HMCN2: variants seen among roughly 807,000 people sequenced by gnomAD.
The protein encoded by HMCN2 is hemicentin-2.
HMCN2 carries 325 observed loss-of-function variants against 377.5 expected under a neutral mutation model. The observed-to-expected ratio is 0.86, with a 90% CI of 0.79 to 0.94. The LOEUF is 0.94. HMCN2 is among the 40% of genes least tolerant of loss of function. The pLI, the probability that HMCN2 is intolerant of heterozygous loss-of-function variation, is 0.00. For missense variants in HMCN2, 4,543 were observed against 4,725.3 expected (o/e 0.96, Z 1.13); for synonymous variants, 2,007 against 2,046.8 (o/e 0.98, Z 0.53).
At chr9:130,292,968 ATC>A (rs1554930521) in intron 4 of HMCN2, among the ~76,000 whole-genome samples, 3 of 127,036 alleles carry the variant, frequency 2.4e-5, no homozygotes, top group African/African-American at 7.7e-5. Context: ...CTATCTATCT[ATC>A]TATCTATCTA....
At position 130,382,870 on chromosome 9, in the gene HMCN2, A is replaced by G. The variant is rs896808168; in HGVS notation, c.8733+4A>G. 8.5e-5 allele frequency: 84 copies of G among 985,664 alleles called. No homozygotes were observed. Among genetic ancestry groups the G allele is most frequent in the Non-Finnish European group, 1.0e-4 (83 of 829,860 alleles). 61.1% of individuals were successfully genotyped at this position (985,664 alleles called of 1,614,324 possible). On this transcript the variant is annotated splice_donor_region_variant and intron_variant, in intron 56 of 97. Transcript: ENST00000683500. Reference sequence around the variant, plus strand: ...GGAGGACGGGCAAGTCTTGCAGGTCAGGGCAGCCCCCTGCACGGGCTAGGG... The same window carrying G: ...GGAGGACGGGCAAGTCTTGCAGGTCGGGGCAGCCCCCTGCACGGGCTAGGG...
In HMCN2 at chr9:130,425,669, CT is replaced by C; in HGVS notation, c.13642-17del. ...CTCCCCCACCCCTCCTCCTCCTCCC[CT>C]CCTCTTCATCCTGCAGGACTTTGAG... On this transcript the variant is annotated splice_polypyrimidine_tract_variant and intron_variant, in intron 89 of 97. Coordinates refer to ENST00000683500, the MANE Select transcript of HMCN2 (RefSeq NM_001291815.2). 6.6e-7 allele frequency: 1 copy of C among 1,515,006 alleles called. No individual in the cohort carries two copies. The highest frequency in any genetic ancestry group is 1.2e-5 in the South Asian group (1 of 83,322). The allele number at this position is 1,515,006 out of a possible 1,614,324, so 93.8% of individuals were successfully genotyped here. A position where few individuals can be genotyped will look rare whatever the true frequency, so the allele number is the denominator to read the frequency against.
chr9:130,318,954 T>C (rs1372135092), intron 15 of HMCN2, among the ~76,000 whole-genome samples: 1 of 152,200 alleles, frequency 6.6e-6, no homozygotes, highest in African/African-American at 2.4e-5. Context: ...AAATGGCAGC[T>C]GAGTCCCGCC....
At chr9:130,348,437 C>T (rs1839507745) in intron 26 of HMCN2, 108 bp from the exon 27 acceptor site, 3 of 1,229,482 alleles carry the variant, frequency 2.4e-6, no homozygotes, top group South Asian at 2.8e-5. Flanking sequence ...ACAGGCAGAC[C>T]TTCTCCAACC....
At chr9:130,331,264 T>C (rs1343856033) in intron 22 of HMCN2, among the ~76,000 whole-genome samples, 1 of 152,042 alleles carries the variant, frequency 6.6e-6, no homozygotes, top group Non-Finnish European at 1.5e-5. Flanking sequence ...CTCGCGGTCA[T>C]AAATGGGACT....
At chr9:130,384,063 C>T (rs1841882981) in intron 57 of HMCN2, among the ~76,000 whole-genome samples, 1 of 152,188 alleles carries the variant, frequency 6.6e-6, no homozygotes, top group Non-Finnish European at 1.5e-5. Context: ...GTTCTGTCTC[C>T]AGATGGTCTT....
rs1273540884 is a variant in HMCN2 at position 130,278,001 on chromosome 9, C to T, written c.260-6602C>T. ...TCACCACCACCACGATCATCACCAC[C>T]ACCACCATCATCATCACCACCACCA... On this transcript the variant is annotated intron_variant, in intron 1 of 97. Transcript: ENST00000683500. Among the ~76,000 whole-genome samples, 7 of 47,108 alleles carry T rather than the reference C, an allele frequency of 1.5e-4. 1 individual carries two copies. Among genetic ancestry groups the T allele is most frequent in the Admixed American group, 2.1e-4 (1 of 4,748 alleles). The allele number at this position is 47,108 out of a possible 152,430, so 30.9% of individuals were successfully genotyped here.
At position 130,348,092 on chromosome 9, in the gene HMCN2, G is replaced by A. The variant is rs548541742; in HGVS notation, c.4025-453G>A. 7 of 973,356 alleles carry A rather than the reference G, an allele frequency of 7.2e-6. No individual in the cohort carries two copies. The East Asian group carries it at 8.0e-4, about 111-fold the overall frequency. The allele number at this position is 973,356 out of a possible 1,614,324, so 60.3% of individuals were successfully genotyped here. A position where few individuals can be genotyped will look rare whatever the true frequency, so the allele number is the denominator to read the frequency against. On this transcript the variant is annotated intron_variant, in intron 26 of 97. Transcript: ENST00000683500. Reference sequence around the variant, plus strand: ...TCGGCAGGATGAACTGGCCCCGCTTGGGCAGTTCTACCAGCTCCTAACGCC... The same window carrying A: ...TCGGCAGGATGAACTGGCCCCGCTTAGGCAGTTCTACCAGCTCCTAACGCC...
intron 19 of HMCN2, among the ~76,000 whole-genome samples, chr9:130,323,585 G>A (rs1329013756): frequency 6.6e-6 from 1 of 152,220 alleles, no homozygotes. Flanking sequence ...CAGCGCAGCT[G>A]GTTCCCAAGC....
Position 130,384,891 on chromosome 9 carries a change from C to T in HMCN2, c.9106+93C>T, listed in dbSNP as rs1304283126. 9.6e-6 allele frequency: 8 copies of T among 834,294 alleles called. No homozygotes were observed. In the African/African-American group the frequency reaches 1.2e-4, roughly 13 times the overall value. The allele number at this position is 834,294 out of a possible 1,614,324, so 51.7% of individuals were successfully genotyped here. On this transcript the variant is annotated intron_variant, in intron 59 of 97. Coordinates refer to ENST00000683500, the MANE Select transcript of HMCN2 (RefSeq NM_001291815.2). ...CCCAGAGAACATAGACAGGAGAGGG[C>T]CAGGAGGCACAGGGGGAGGCTGGGA...
At chr9:130,366,399 G>A (rs375017235) in intron 43 of HMCN2, among the ~76,000 whole-genome samples, 4 of 150,834 alleles carry the variant, frequency 2.7e-5, no homozygotes, top group African/African-American at 9.8e-5. Flanking sequence ...GTTGACCACC[G>A]CTGAATTCCA....
At chr9:130,284,263 A>T (rs1835296348) in intron 1 of HMCN2, among the ~76,000 whole-genome samples, 1 of 152,142 alleles carries the variant, frequency 6.6e-6, no homozygotes, top group Non-Finnish European at 1.5e-5. Flanking sequence ...ACTGACTGGC[A>T]GCCGGTGGGA....
chr9:130,372,118 T>C (rs906154262), intron 46 of HMCN2, among the ~76,000 whole-genome samples, 176 bp from the exon 47 acceptor site: 10 of 152,324 alleles, frequency 6.6e-5, no homozygotes, highest in African/African-American at 2.2e-4. Context: ...GGCAGTTCCA[T>C]CCATTTGTTT....
At position 130,406,010 on chromosome 9, in the gene HMCN2, G is replaced by A. The variant is rs752005562; in HGVS notation, c.12395G>A (p.Arg4132His). ...CTAENAVGRARRRVHLTILVL... is the reference protein window; with the variant it reads ...CTAENAVGRAHRRVHLTILVL... ...GCTGAGAACGCCGTGGGCCGGGCCC[G>A]CCGCCGCGTGCACCTCACCATCCTG... The change falls in exon 82 of 98, where the codon CGC becomes CAC. Residue 4132 changes from arginine (R) to histidine (H), a missense_variant. By Grantham distance (29) the Arg-to-His change is conservative. Coordinates refer to ENST00000683500, the MANE Select transcript of HMCN2 (RefSeq NM_001291815.2). 234 of 1,289,614 alleles carry A rather than the reference G, an allele frequency of 1.8e-4. No individual in the cohort carries two copies. The highest frequency in any genetic ancestry group is 2.2e-4 in the Non-Finnish European group (221 of 988,832). 79.9% of individuals were successfully genotyped at this position (1,289,614 alleles called of 1,614,324 possible). A position where few individuals can be genotyped will look rare whatever the true frequency, so the allele number is the denominator to read the frequency against.
chr9:130,407,398 C>G (rs550539004), intron 82 of HMCN2, 173 bp from the exon 83 acceptor site: 1 of 419,548 alleles, frequency 2.4e-6, no homozygotes, highest in African/African-American at 2.1e-5. Flanking sequence ...GGTTCATTAA[C>G]CGCAGCCTCC....
In HMCN2 at chr9:130,285,200, G is replaced by C. The variant is rs368629790; in HGVS notation, c.373G>C (p.Ala125Pro). 2 of 471,174 alleles carry C rather than the reference G, an allele frequency of 4.2e-6. No homozygotes were observed. Among genetic ancestry groups the C allele is most frequent in the South Asian group, 3.1e-5 (2 of 64,570 alleles). 29.2% of individuals were successfully genotyped at this position (471,174 alleles called of 1,614,324 possible). Residue 125 changes from alanine (A) to proline (P), a missense_variant, in exon 3 of 98, where the codon GCT (alanine) becomes CCT (proline). Physicochemically the swap from Ala to Pro is conservative, Grantham distance 27. Transcript: ENST00000683500. Reference sequence around the variant, plus strand: ...GGAGATGAGTGTGGGGGCCATTAAGGCTGCCGTGGAGGTTGCCAACCCCGG... The same window carrying C: ...GGAGATGAGTGTGGGGGCCATTAAGCCTGCCGTGGAGGTTGCCAACCCCGG... ...CPEMSVGAIK[A>P]AVEVANPGSF...
chr9:130,352,724 C>A (rs1390474519), intron 30 of HMCN2, among the ~76,000 whole-genome samples: 1 of 151,942 alleles, frequency 6.6e-6, no homozygotes, highest in Non-Finnish European at 1.5e-5. Flanking sequence ...ACCTCCTGCA[C>A]CTTCCACACC....
At chr9:130,426,452 G>A (rs912916573) in intron 90 of HMCN2, among the ~76,000 whole-genome samples, 13 of 152,222 alleles carry the variant, frequency 8.5e-5, no homozygotes, top group African/African-American at 1.2e-4. Context: ...GTTCAAATCC[G>A]AGGTACACCA....
chr9:130,289,057 C>CAAA (rs1835582990), intron 4 of HMCN2, among the ~76,000 whole-genome samples: 3 of 152,238 alleles, frequency 2.0e-5, no homozygotes, highest in Non-Finnish European at 2.9e-5. Context: ...CTAGCCCCGA[C>CAAA]AGTGGTGGGG....
Sources: gnomAD v4.1 joint callset for allele counts (sites outside exome capture counted in the v4.1 genomes callset) on GRCh38, gnomAD v4.1.1 for gene constraint, MANE v1.5 for transcripts, NCBI Gene and HGNC (gene_info 2026-07-23, HGNC 2026-07-21) for gene names.